ERC2: variants seen among roughly 807,000 people sequenced by gnomAD.
ERC2 encodes ERC protein 2.
ERC2 carries 42 observed loss-of-function variants against 114.8 expected under a neutral mutation model. That is an observed-to-expected ratio of 0.37 (90% CI 0.29 to 0.47). The LOEUF is 0.47. Ranked by LOEUF, ERC2 falls within the 20% of genes least tolerant of loss-of-function variation. ERC2 has a pLI of 0.99. For synonymous variants in ERC2, 454 were observed against 425.5 expected (o/e 1.07, Z -0.82); for missense variants, 939 against 1,150.7 (o/e 0.82, Z 2.66).
At chr3:55,764,626 T>C (rs1291020426) in intron 14 of ERC2, among the ~76,000 whole-genome samples, 2 of 152,236 alleles carry the variant, frequency 1.3e-5, no homozygotes, top group Non-Finnish European at 2.9e-5. Context: ...TCGTAGGATC[T>C]TAAAGTCTGA....
intron 2 of ERC2, among the ~76,000 whole-genome samples, chr3:56,303,763 T>C (rs1281439356): frequency 1.3e-5 from 2 of 152,186 alleles, no homozygotes; most frequent in African/African-American, 4.8e-5. Flanking sequence ...AAGCCCATAT[T>C]TGCAGAAGGG....
At chr3:55,876,978 A>G (rs56211981) in intron 14 of ERC2, among the ~76,000 whole-genome samples, 22,701 of 152,224 alleles carry the variant, frequency 0.15, 2,509 homozygotes, top group African/African-American at 0.31. Context: ...TGTGCTGAAC[A>G]GGAAAATATA....
intron 7 of ERC2, among the ~76,000 whole-genome samples, chr3:56,058,445 G>A (rs938533264): frequency 5.3e-5 from 8 of 152,172 alleles, no homozygotes; most frequent in South Asian, 4.1e-4. Context: ...CTGAAAAGAC[G>A]AAGTCTCTCA....
chr3:55,601,040 C>T (rs937426549), intron 17 of ERC2, among the ~76,000 whole-genome samples: 6 of 152,158 alleles, frequency 3.9e-5, no homozygotes, highest in South Asian at 2.1e-4. Context: ...ACCATGCGGA[C>T]GGGGGCTGGG....
intron 14 of ERC2, among the ~76,000 whole-genome samples, chr3:55,735,284 A>T (rs1229821619): frequency 1.3e-5 from 2 of 152,204 alleles, no homozygotes; most frequent in Non-Finnish European, 2.9e-5. Context: ...ATGTTGTTAC[A>T]AAGTAATGTC....
intron 17 of ERC2, among the ~76,000 whole-genome samples, chr3:55,600,531 T>C (rs2058353417): frequency 6.6e-6 from 1 of 152,190 alleles, no homozygotes; most frequent in Non-Finnish European, 1.5e-5. Context: ...AGTCCCATTT[T>C]TTGTTGATTT....
At chr3:56,447,878 G>A (rs963554668) in intron 1 of ERC2, among the ~76,000 whole-genome samples, 2 of 151,796 alleles carry the variant, frequency 1.3e-5, no homozygotes, top group East Asian at 1.9e-4. Flanking sequence ...GAGTAGCTGC[G>A]ATTACAGGTG....
At chr3:55,628,162 T>A (rs2059596695) in intron 17 of ERC2, among the ~76,000 whole-genome samples, 1 of 152,264 alleles carries the variant, frequency 6.6e-6, no homozygotes, top group South Asian at 2.1e-4. Context: ...TCCTTTTTCT[T>A]GTTTAACCTG....
chr3:56,003,963 G>C (rs1000893628), intron 10 of ERC2, among the ~76,000 whole-genome samples: 1 of 151,902 alleles, frequency 6.6e-6, no homozygotes, highest in Non-Finnish European at 1.5e-5. Flanking sequence ...TCAATGTCAA[G>C]GTGTACAGGG....
chr3:56,209,385 T>C (rs140045828), intron 3 of ERC2, among the ~76,000 whole-genome samples: 2 of 152,208 alleles, frequency 1.3e-5, no homozygotes, highest in East Asian at 3.9e-4. Context: ...TTGGTCACAG[T>C]CCTTATTCTG....
At chr3:56,244,449 C>G (rs950827258) in intron 3 of ERC2, among the ~76,000 whole-genome samples, 6 of 151,906 alleles carry the variant, frequency 3.9e-5, no homozygotes, top group African/African-American at 9.7e-5. Context: ...CAGGAAGTAT[C>G]CAGAAGAAGG....
In ERC2 at chr3:55,611,248, T is replaced by C. The variant is rs1406854880; in HGVS notation, c.*39+72546A>G. On this transcript the variant is annotated intron_variant, in intron 17 of 17. Transcript: ENST00000288221. ...GGTTTGAATGAGAAGACAGAATTTA[T>C]TGAACTAATTTAAGCATTGTTAGGC... Among the ~76,000 whole-genome samples, 4 of 152,252 alleles carry C rather than the reference T, an allele frequency of 2.6e-5. No individual in the cohort carries two copies. The East Asian group carries it at 7.7e-4, about 29-fold the overall frequency.
intron 13 of ERC2, among the ~76,000 whole-genome samples, chr3:55,902,000 A>G (rs766341847): frequency 5.3e-5 from 8 of 152,322 alleles, no homozygotes; most frequent in South Asian, 2.1e-4. Flanking sequence ...ACAAACCATC[A>G]CACACAAACA....
rs77538585 is a variant in ERC2 at position 56,228,192 on chromosome 3, T to C, written c.1075-54672A>G. Among the ~76,000 whole-genome samples, 4 of 152,180 alleles carry C rather than the reference T, an allele frequency of 2.6e-5. No homozygotes were observed. The East Asian group carries it at 7.7e-4, about 29-fold the overall frequency. On this transcript the variant is annotated intron_variant, in intron 3 of 17. Transcript: ENST00000288221. ...AAATGTAAATTTTTTTATTCGTCAT[T>C]TCTAACTGTGGTAAAATATACATAA... is the stretch of plus-strand genomic sequence containing the variant.
intron 6 of ERC2, among the ~76,000 whole-genome samples, chr3:56,139,092 A>G (rs1028199609): frequency 1.3e-5 from 2 of 152,210 alleles, no homozygotes; most frequent in Non-Finnish European, 2.9e-5. Flanking sequence ...GATTTTTGAT[A>G]AAATGAAACC....
intron 14 of ERC2, among the ~76,000 whole-genome samples, chr3:55,850,845 A>ACAC (rs2061537172): frequency 4.0e-5 from 5 of 125,954 alleles, no homozygotes; most frequent in Admixed American, 1.6e-4. Flanking sequence ...CTCTTTTTCA[A>ACAC]ACACACACAC....
intron 3 of ERC2, 141 bp downstream of exon 3, chr3:56,295,878 A>C: frequency 1.1e-6 from 1 of 884,702 alleles, no homozygotes; most frequent in Non-Finnish European, 1.7e-6. Flanking sequence ...TAATGGTCTT[A>C]AGCCGGCAGG....
At chr3:55,582,677 AC>A (rs2057321360) in intron 17 of ERC2, among the ~76,000 whole-genome samples, 1 of 152,232 alleles carries the variant, frequency 6.6e-6, no homozygotes. Context: ...CAGGGCTCTG[AC>A]CAGAGCCCTC....
intron 6 of ERC2, among the ~76,000 whole-genome samples, chr3:56,089,118 T>C (rs146249061): frequency 6.6e-6 from 1 of 152,290 alleles, no homozygotes; most frequent in African/African-American, 2.4e-5. Context: ...GGTGGACAGA[T>C]GGGTGTATTA....
Sources: gnomAD v4.1 joint callset for allele counts (sites outside exome capture counted in the v4.1 genomes callset) on GRCh38, gnomAD v4.1.1 for gene constraint, MANE v1.5 for transcripts, NCBI Gene and HGNC (gene_info 2026-07-23, HGNC 2026-07-21) for gene names.